The following ERBB4 variants were observed in gnomAD, a reference collection of about 807,000 sequenced individuals.
ERBB4 encodes the protein erb-b2 receptor tyrosine kinase 4, also known as receptor tyrosine-protein kinase erbB-4.
In ERBB4, 42 loss-of-function variants were observed where a neutral mutation model predicts 158.0. The ratio of observed to expected loss-of-function variants is 0.27; its 90% CI spans 0.21 to 0.34. The LOEUF (loss-of-function observed/expected upper bound fraction) is 0.34. Among genes scored for constraint, ERBB4 ranks in the 10% least tolerant of loss-of-function variants. ERBB4 has a pLI of 1.00. For missense variants in ERBB4, 1,333 were observed against 1,624.1 expected (o/e 0.82, Z 3.08); for synonymous variants, 583 against 558.7 (o/e 1.04, Z -0.61).
chr2:211,896,561 C>T (rs906502665), intron 3 of ERBB4, among the ~76,000 whole-genome samples: 2 of 151,930 alleles, frequency 1.3e-5, no homozygotes, highest in African/African-American at 4.8e-5. Flanking sequence ...CCTTTTCTTC[C>T]CAGGAGTCTG....
chr2:212,451,820 C>A (rs1482966204), intron 1 of ERBB4, among the ~76,000 whole-genome samples: 1 of 152,126 alleles, frequency 6.6e-6, no homozygotes. Context: ...GCATACATTC[C>A]TTTCATTTCT....
intron 2 of ERBB4, among the ~76,000 whole-genome samples, chr2:212,104,025 C>T (rs1051478284): frequency 2.0e-5 from 3 of 152,042 alleles, no homozygotes; most frequent in African/African-American, 7.2e-5. Flanking sequence ...CAACCAAAAA[C>T]AGTTAAAGCA....
intron 19 of ERBB4, among the ~76,000 whole-genome samples, chr2:211,606,085 G>A (rs2068970150): frequency 6.6e-6 from 1 of 151,960 alleles, no homozygotes; most frequent in Non-Finnish European, 1.5e-5. Flanking sequence ...ACAGATGATG[G>A]TAAATTTCTC....
intron 25 of ERBB4, among the ~76,000 whole-genome samples, chr2:211,404,336 CTTTG>C (rs1286630291): frequency 2.0e-5 from 3 of 151,956 alleles, no homozygotes; most frequent in Non-Finnish European, 4.4e-5. Flanking sequence ...CCTCATTTGT[CTTTG>C]TTTGTATGCC....
At chr2:211,941,632 C>A (rs1032674594) in intron 3 of ERBB4, among the ~76,000 whole-genome samples, 1 of 150,768 alleles carries the variant, frequency 6.6e-6, no homozygotes, top group Admixed American at 6.6e-5. Flanking sequence ...TGAGAGTAGA[C>A]AAAGGCCAGC....
chr2:211,881,056 C>A (rs2078647972), intron 3 of ERBB4, among the ~76,000 whole-genome samples: 1 of 152,142 alleles, frequency 6.6e-6, no homozygotes, highest in African/African-American at 2.4e-5. Context: ...GCACACAAGA[C>A]CAGAGCTTTC....
intron 1 of ERBB4, among the ~76,000 whole-genome samples, chr2:212,366,333 A>G (rs1019988472): frequency 7.9e-5 from 12 of 152,148 alleles, no homozygotes; most frequent in Non-Finnish European, 1.8e-4. Context: ...AACTACAGTG[A>G]ATTAAAATGA....
At chr2:211,991,342 T>C (rs958903219) in intron 2 of ERBB4, among the ~76,000 whole-genome samples, 1 of 152,158 alleles carries the variant, frequency 6.6e-6, no homozygotes, top group Non-Finnish European at 1.5e-5. Flanking sequence ...ATTTGTACTG[T>C]ATTTGACCAA....
chr2:211,629,839 G>A (rs1167495231), intron 17 of ERBB4, among the ~76,000 whole-genome samples: 1 of 152,146 alleles, frequency 6.6e-6, no homozygotes, highest in Non-Finnish European at 1.5e-5. Context: ...AAACTGGCTA[G>A]CCATATGTAG....
intron 19 of ERBB4, among the ~76,000 whole-genome samples, chr2:211,576,084 A>C (rs921566761): frequency 9.6e-6 from 1 of 104,678 alleles, no homozygotes; most frequent in East Asian, 3.3e-4. Flanking sequence ...AATCTGCGTT[A>C]ATGTTATTTA....
At chr2:211,532,694 G>C (rs944765141) in intron 20 of ERBB4, among the ~76,000 whole-genome samples, 21 of 151,788 alleles carry the variant, frequency 1.4e-4, no homozygotes, top group African/African-American at 4.8e-4. Context: ...GTCCGGAAAT[G>C]ACAATAACAA....
intron 2 of ERBB4, among the ~76,000 whole-genome samples, chr2:212,081,498 T>C (rs1317741765): frequency 1.3e-5 from 2 of 152,144 alleles, no homozygotes; most frequent in Non-Finnish European, 2.9e-5. Flanking sequence ...ACAATAGATC[T>C]AGCAAAATCA....
intron 1 of ERBB4, among the ~76,000 whole-genome samples, chr2:212,497,017 T>C (rs1475308155): frequency 6.6e-6 from 1 of 151,720 alleles, no homozygotes; most frequent in Non-Finnish European, 1.5e-5. Context: ...CTGTCTCTAC[T>C]AAAAAATATG....
At chr2:212,216,271 C>T (rs9973678) in intron 1 of ERBB4, among the ~76,000 whole-genome samples, 147,477 of 151,332 alleles carry the variant, frequency 0.97, 71,949 homozygotes, top group Middle Eastern at 1. Flanking sequence ...TTAGTATTCA[C>T]TTCCTATTTA....
At chr2:211,727,123 T>C (rs140643519) in intron 5 of ERBB4, among the ~76,000 whole-genome samples, 3 of 152,306 alleles carry the variant, frequency 2.0e-5, no homozygotes, top group African/African-American at 4.8e-5. Context: ...CAGCAGTCTA[T>C]GTAGTCTGAA....
intron 5 of ERBB4, among the ~76,000 whole-genome samples, chr2:211,729,758 A>G (rs1352933107): frequency 2.6e-5 from 4 of 151,918 alleles, no homozygotes; most frequent in African/African-American, 9.7e-5. Flanking sequence ...AGGAACATTA[A>G]CTTATAATTG....
At chr2:212,228,387 A>G (rs10175213) in intron 1 of ERBB4, among the ~76,000 whole-genome samples, 17,219 of 152,182 alleles carry the variant, frequency 0.11, 3,070 homozygotes, top group African/African-American at 0.38. Flanking sequence ...TATACACAGT[A>G]TTGAGTTATG....
Position 211,376,035 on chromosome 2 carries a change from A to G in ERBB4, c.*7580T>C, listed in dbSNP as rs2062466439. ...TGGGTAAAAGGTTGGAGGAGAAGAA[A>G]GAATAAGAGAAAGTATACTAAAAAT... On this transcript the variant is annotated 3_prime_UTR_variant, in exon 28 of 28. Coordinates refer to ENST00000342788, the MANE Select transcript of ERBB4 (RefSeq NM_005235.3). 4.3e-6 allele frequency: 1 copy of G among 232,994 alleles called. No homozygotes were observed. The highest frequency in any genetic ancestry group is 8.5e-6 in the Non-Finnish European group (1 of 117,724). The allele number at this position is 232,994 out of a possible 1,614,324, so 14.4% of individuals were successfully genotyped here.
At chr2:212,062,941 A>T (rs2077825129) in intron 2 of ERBB4, among the ~76,000 whole-genome samples, 1 of 152,226 alleles carries the variant, frequency 6.6e-6, no homozygotes, top group Admixed American at 6.5e-5. Flanking sequence ...AGAAAAAACA[A>T]AAAAGGATTG....
Sources: allele counts gnomAD v4.1 joint callset (sites outside exome capture counted in the v4.1 genomes callset), GRCh38; gene constraint gnomAD v4.1.1; transcripts MANE v1.5; gene names NCBI Gene and HGNC (gene_info 2026-07-23, HGNC 2026-07-21).